Variants in BCAS3 observed in about 807,000 individuals in gnomAD.
BCAS3 encodes the protein BCAS3 microtubule associated cell migration factor, also known as BCAS4/BCAS3 fusion.
In BCAS3, 53 loss-of-function variants were observed where a neutral mutation model predicts 116.1. The ratio of observed to expected loss-of-function variants is 0.46; its 90% CI spans 0.37 to 0.57. The LOEUF is 0.57. BCAS3 is among the 20% of genes least tolerant of loss of function. BCAS3 has a pLI of 0.00. For synonymous variants in BCAS3, 391 were observed against 408.2 expected, an observed-to-expected ratio of 0.96 and a Z score of 0.51; for missense variants, 917 against 1,165.4, an observed-to-expected ratio of 0.79 and a Z score of 3.10.
intron 22 of BCAS3, among the ~76,000 whole-genome samples, chr17:61,089,750 T>C (rs2143579001): frequency 6.6e-6 from 1 of 152,062 alleles, no homozygotes; most frequent in African/African-American, 2.4e-5. Flanking sequence ...TAGGCTAGTC[T>C]CGAACTTCTG....
intron 5 of BCAS3, among the ~76,000 whole-genome samples, chr17:60,712,096 C>G (rs971384433): frequency 6.6e-6 from 1 of 152,136 alleles, no homozygotes; most frequent in Admixed American, 6.6e-5. Context: ...ACCCGGGAGG[C>G]GGTGGTTACA....
At chr17:61,283,733 G>A (rs9895013) in intron 22 of BCAS3, among the ~76,000 whole-genome samples, 6,796 of 152,134 alleles carry the variant, frequency 0.045, 495 homozygotes, top group African/African-American at 0.15. Context: ...GATTACAGGC[G>A]TGAGCCACCG....
intron 11 of BCAS3, among the ~76,000 whole-genome samples, chr17:60,906,933 CT>C (rs914254965): frequency 6.6e-6 from 1 of 152,048 alleles, no homozygotes; most frequent in Non-Finnish European, 1.5e-5. Flanking sequence ...AATCATTACT[CT>C]TTTACTCTTT....
chr17:61,044,107 G>A (rs1333643942), intron 19 of BCAS3, among the ~76,000 whole-genome samples: 1 of 151,742 alleles, frequency 6.6e-6, no homozygotes, highest in African/African-American at 2.4e-5. Flanking sequence ...AAGCATTTGG[G>A]GTCTTTATTC....
intron 15 of BCAS3, among the ~76,000 whole-genome samples, chr17:61,014,951 T>G (rs2065350829): frequency 6.6e-6 from 1 of 152,186 alleles, no homozygotes; most frequent in Non-Finnish European, 1.5e-5. Flanking sequence ...ACTTGTACCC[T>G]GAAAACTACA....
chr17:61,003,811 A>G (rs965764090), intron 15 of BCAS3: 1 of 152,130 alleles, frequency 6.6e-6, no homozygotes. Flanking sequence ...TAATCAACAA[A>G]TCAATACTAA....
At position 61,065,995 on chromosome 17, in the gene BCAS3, C is replaced by T. The variant is rs2070568901; in HGVS notation, c.2030-8925C>T. On this transcript the variant is annotated intron_variant, in intron 19 of 23. Coordinates refer to ENST00000407086, the MANE Select transcript of BCAS3 (RefSeq NM_017679.5). This position sits in a 1 kb window ranked among gnomAD's most constrained non-coding sequence, Gnocchi z 4.8. Reference sequence around the variant, plus strand: ...CTATTATCATATTTTAAGTTTCCAACAAAATCTTAAAGCAGGTAACTATAT... The same window carrying T: ...CTATTATCATATTTTAAGTTTCCAATAAAATCTTAAAGCAGGTAACTATAT... Among the ~76,000 whole-genome samples the T allele has an allele frequency of 6.6e-6, 1 of 152,152 alleles. No homozygotes were observed. The highest frequency in any genetic ancestry group is 1.5e-5 in the Non-Finnish European group (1 of 68,014).
In BCAS3 at chr17:61,071,615, C is replaced by T. The variant is rs76531189; in HGVS notation, c.2030-3305C>T. 5.5e-3 allele frequency among the ~76,000 whole-genome samples: 838 copies of T among 152,276 alleles called. 9 individuals are homozygous for T. Among genetic ancestry groups the T allele is most frequent in the South Asian group, 0.024 (115 of 4,826 alleles). ...AACAGCGTTCTGGCTTGGTGGTATA[C>T]TGTTGGGACTGTTCTAAGGTATTCC... is the stretch of plus-strand genomic sequence containing the variant. On this transcript the variant is annotated intron_variant, in intron 19 of 23. Coordinates refer to ENST00000407086, the MANE Select transcript of BCAS3 (RefSeq NM_017679.5).
In BCAS3 at chr17:60,990,014, T is replaced by G; in HGVS notation, c.1265T>G (p.Val422Gly). 6.2e-7 allele frequency: 1 copy of G among 1,614,176 alleles called. No homozygotes were observed. Among genetic ancestry groups the G allele is most frequent in the Non-Finnish European group, 8.5e-7 (1 of 1,180,028 alleles). Residue 422 changes from valine (V) to glycine (G), a missense_variant, in exon 15 of 24, where the codon GTC (valine) becomes GGC (glycine). Around this residue, in one of 3 missense-constraint regions of BCAS3, gnomAD observed 807 missense variants for 1,026.0 expected, o/e 0.79. Transcript: ENST00000407086. The surrounding 1 kb of genome is among the most constrained non-coding windows in gnomAD (Gnocchi z 5.1). ...AGCCATGACTGTCGCTGGGTTGTGG[T>G]CAGTACTCTCCGGGGTACTTCCCAC... ...CFSHDCRWVV[V>G]STLRGTSHVF...
At chr17:60,929,658 T>C (rs937200716) in intron 13 of BCAS3, among the ~76,000 whole-genome samples, 1 of 151,178 alleles carries the variant, frequency 6.6e-6, no homozygotes, top group African/African-American at 2.4e-5. Context: ...CATGCTGGTG[T>C]GCTGCACCCA....
chr17:61,339,634 T>A lies in BCAS3; in HGVS notation c.2426-28693T>A, dbSNP rs1370615857. On this transcript the variant is annotated intron_variant, in intron 22 of 23. Coordinates refer to ENST00000407086, the MANE Select transcript of BCAS3 (RefSeq NM_017679.5). The surrounding 1 kb of genome is among the most constrained non-coding windows in gnomAD (Gnocchi z 4.4). The stretch of plus-strand genomic sequence containing the variant: ...TACAAAAATTAGCCGGGCGTGGTGG[T>A]GCCCATCTGTAATCCCAGCTACTCG... Among the ~76,000 whole-genome samples, 1 of 151,924 alleles carries A rather than the reference T, an allele frequency of 6.6e-6. No homozygotes were observed. The highest frequency in any genetic ancestry group is 1.9e-4 in the East Asian group (1 of 5,184).
At position 61,105,532 on chromosome 17, in the gene BCAS3, C is replaced by T. The variant is rs112144985; in HGVS notation, c.2425+20968C>T. ...CTCTGTCTCCTAGATTCAAGTGATT[C>T]TCCTGCCTCAGCCCCATGAGTAGCT... is the stretch of plus-strand genomic sequence containing the variant. On this transcript the variant is annotated intron_variant, in intron 22 of 23. Transcript: ENST00000407086. This position sits in a 1 kb window ranked among gnomAD's most constrained non-coding sequence, Gnocchi z 4.3. 1.5e-3 allele frequency among the ~76,000 whole-genome samples: 224 copies of T among 152,312 alleles called. 1 individual carries two copies. The highest frequency in any genetic ancestry group is 4.6e-3 in the African/African-American group (193 of 41,574).
At chr17:60,806,704 C>T (rs1009368472) in intron 6 of BCAS3, among the ~76,000 whole-genome samples, 1 of 152,076 alleles carries the variant, frequency 6.6e-6, no homozygotes, top group Non-Finnish European at 1.5e-5. Flanking sequence ...AGGAGTGTGC[C>T]ACCATACCCA....
At chr17:61,306,259 C>G (rs2053849119) in intron 22 of BCAS3, among the ~76,000 whole-genome samples, 1 of 152,154 alleles carries the variant, frequency 6.6e-6, no homozygotes, top group African/African-American at 2.4e-5. Context: ...CTTTAAAGAT[C>G]CCATGAGCTA....
At chr17:61,015,600 A>G in intron 15 of BCAS3, 151 bp from the exon 16 acceptor site, 1 of 808,032 alleles carries the variant, frequency 1.2e-6, no homozygotes, top group Non-Finnish European at 2.0e-6. Flanking sequence ...GTTTCTTCTC[A>G]TCCACATAAT....
At chr17:60,890,846 T>C (rs1000008331) in intron 10 of BCAS3, among the ~76,000 whole-genome samples, 9 of 152,210 alleles carry the variant, frequency 5.9e-5, no homozygotes, top group African/African-American at 2.2e-4. Flanking sequence ...GAAATAGTTC[T>C]TGACAAAATT....
intron 4 of BCAS3, among the ~76,000 whole-genome samples, chr17:60,703,856 G>T (rs905202628): frequency 6.6e-6 from 1 of 150,562 alleles, no homozygotes; most frequent in Admixed American, 6.6e-5. Flanking sequence ...GGAGCTTGTA[G>T]TGAGCCGAGA....
intron 5 of BCAS3, among the ~76,000 whole-genome samples, chr17:60,721,712 A>G (rs1483115560): frequency 1.3e-5 from 2 of 152,166 alleles, no homozygotes; most frequent in South Asian, 2.1e-4. Context: ...GTTATTGAAT[A>G]TACATACAGT....
intron 6 of BCAS3, among the ~76,000 whole-genome samples, chr17:60,757,544 C>T (rs1278014579): frequency 2.0e-5 from 3 of 151,298 alleles, no homozygotes; most frequent in East Asian, 3.9e-4. Context: ...TTCCTGTATA[C>T]GTATTGGCCA....
Sources: allele counts gnomAD v4.1 joint callset (sites outside exome capture counted in the v4.1 genomes callset), GRCh38; gene constraint gnomAD v4.1.1; regional missense constraint gnomAD v4.1.1; non-coding constraint Gnocchi (gnomAD v3.1); transcripts MANE v1.5; gene names NCBI Gene and HGNC (gene_info 2026-07-23, HGNC 2026-07-21).